Variants in CTNNA3 observed in about 807,000 individuals in gnomAD.
The protein encoded by CTNNA3 is catenin alpha 3.
A neutral mutation model predicts 95.7 loss-of-function variants in CTNNA3; 76 were observed. That is an observed-to-expected ratio of 0.79 (90% CI 0.66 to 0.96). CTNNA3 has a LOEUF of 0.96. CTNNA3 is among the 40% of genes least tolerant of loss of function. The pLI is 0.00. For synonymous variants in CTNNA3, 431 were observed against 374.4 expected (o/e 1.15, Z -1.74); for missense variants, 1,191 against 1,089.8 (o/e 1.09, Z -1.31).
chr10:66,015,691 AG>A (rs1794171170), intron 15 of CTNNA3, among the ~76,000 whole-genome samples: 1 of 152,134 alleles, frequency 6.6e-6, no homozygotes, highest in Non-Finnish European at 1.5e-5. Context: ...CCATAGAAAA[AG>A]TTTGCCAACT....
intron 5 of CTNNA3, among the ~76,000 whole-genome samples, chr10:67,468,603 T>C (rs1393980208): frequency 6.6e-6 from 1 of 152,118 alleles, no homozygotes; most frequent in Non-Finnish European, 1.5e-5. Context: ...TTCTAACTAG[T>C]TCTCATCAAA....
At chr10:66,910,615 T>C (rs1029435841) in intron 7 of CTNNA3, among the ~76,000 whole-genome samples, 2 of 152,186 alleles carry the variant, frequency 1.3e-5, no homozygotes, top group African/African-American at 4.8e-5. Context: ...CATGTAGGCA[T>C]TGAAGATAAC....
chr10:67,655,931 A>G (rs1026809781), intron 1 of CTNNA3, among the ~76,000 whole-genome samples: 10 of 152,208 alleles, frequency 6.6e-5, no homozygotes, highest in African/African-American at 2.4e-4. Flanking sequence ...GAAAAAAAAA[A>G]TCTAAATCAT....
chr10:66,694,546 G>T (rs1485926771), intron 9 of CTNNA3, among the ~76,000 whole-genome samples: 1 of 152,114 alleles, frequency 6.6e-6, no homozygotes, highest in Non-Finnish European at 1.5e-5. Flanking sequence ...AGGAGGAACT[G>T]GTATCATTCC....
At chr10:66,137,315 T>G (rs2083404593) in intron 13 of CTNNA3, among the ~76,000 whole-genome samples, 1 of 151,878 alleles carries the variant, frequency 6.6e-6, no homozygotes, top group East Asian at 1.9e-4. Flanking sequence ...ATCAGGAAAA[T>G]CCAGAATGTT....
intron 11 of CTNNA3, among the ~76,000 whole-genome samples, chr10:66,421,897 G>T (rs1358000722): frequency 7.4e-5 from 8 of 108,152 alleles, no homozygotes; most frequent in Non-Finnish European, 7.8e-5. Flanking sequence ...TAATAAATGT[G>T]ATATATATAT....
At chr10:66,330,361 T>C (rs1426419272) in intron 12 of CTNNA3, among the ~76,000 whole-genome samples, 1 of 151,998 alleles carries the variant, frequency 6.6e-6, no homozygotes, top group Non-Finnish European at 1.5e-5. Flanking sequence ...AGAATGATGG[T>C]TTCCAGCTTC....
At position 67,044,550 on chromosome 10, in the gene CTNNA3, G is replaced by C. The variant is rs138994588; in HGVS notation, c.1047+135767C>G. On this transcript the variant is annotated intron_variant, in intron 7 of 17. Coordinates refer to ENST00000433211, the MANE Select transcript of CTNNA3 (RefSeq NM_013266.4). ...GATTCCCCATTGAGCTAATCTCTGT[G>C]AGTGCTCATTATAAGAAGTGATAGC... 4.6e-5 allele frequency among the ~76,000 whole-genome samples: 7 copies of C among 152,216 alleles called. No individual in the cohort carries two copies. In the East Asian group the frequency reaches 1.4e-3, roughly 29 times the overall value.
chr10:66,145,422 C>A (rs1428630504), intron 13 of CTNNA3, among the ~76,000 whole-genome samples: 2 of 152,150 alleles, frequency 1.3e-5, no homozygotes, highest in African/African-American at 4.8e-5. Flanking sequence ...GTTTGCTTTG[C>A]CCCAGTGGGC....
chr10:66,677,099 T>G (rs547769648), intron 9 of CTNNA3, among the ~76,000 whole-genome samples: 2 of 152,240 alleles, frequency 1.3e-5, no homozygotes, highest in Admixed American at 6.5e-5. Context: ...GTGGATAGAT[T>G]ACTTGACTTC....
intron 1 of CTNNA3, among the ~76,000 whole-genome samples, chr10:67,662,616 A>G (rs1840221202): frequency 6.6e-6 from 1 of 152,262 alleles, no homozygotes; most frequent in Non-Finnish European, 1.5e-5. Context: ...AGTACACACT[A>G]TATGATTCCA....
intron 15 of CTNNA3, among the ~76,000 whole-genome samples, chr10:66,058,670 TC>T (rs2080133469): frequency 6.6e-6 from 1 of 152,078 alleles, no homozygotes; most frequent in Admixed American, 6.6e-5. Context: ...TTTGGTTAAT[TC>T]TTGAGTGCAA....
chr10:66,918,960 C>T (rs1341428424), intron 7 of CTNNA3, among the ~76,000 whole-genome samples: 3 of 151,608 alleles, frequency 2.0e-5, no homozygotes, highest in Admixed American at 6.6e-5. Flanking sequence ...ACGGTGAAAC[C>T]CTGTCTCTAC....
At chr10:66,510,033 T>G (rs1487060800) in intron 11 of CTNNA3, among the ~76,000 whole-genome samples, 2 of 151,914 alleles carry the variant, frequency 1.3e-5, no homozygotes, top group Non-Finnish European at 2.9e-5. Flanking sequence ...TCCAGGAGCA[T>G]GGAATGTTTT....
At chr10:67,140,732 T>C (rs1288234830) in intron 7 of CTNNA3, among the ~76,000 whole-genome samples, 1 of 152,196 alleles carries the variant, frequency 6.6e-6, no homozygotes, top group Non-Finnish European at 1.5e-5. Flanking sequence ...AATACTAATA[T>C]TCTAAGGACA....
chr10:66,930,415 A>C (rs149535348), intron 7 of CTNNA3, among the ~76,000 whole-genome samples: 42 of 152,296 alleles, frequency 2.8e-4, no homozygotes, highest in Non-Finnish European at 4.7e-4. Flanking sequence ...GTAACTTTAC[A>C]TTTTTCATAA....
At chr10:67,268,354 T>C (rs920589922) in intron 5 of CTNNA3, among the ~76,000 whole-genome samples, 2 of 147,142 alleles carry the variant, frequency 1.4e-5, no homozygotes, top group Non-Finnish European at 3.0e-5. Context: ...TAAATTAAAT[T>C]AAATAAATAA....
chr10:67,130,936 A>G (rs980159041), intron 7 of CTNNA3, among the ~76,000 whole-genome samples: 2 of 151,862 alleles, frequency 1.3e-5, no homozygotes, highest in African/African-American at 4.9e-5. Context: ...TAAGTCATTC[A>G]AGAAGGTGAG....
At chr10:67,066,938 TAACA>T (rs1355640867) in intron 7 of CTNNA3, among the ~76,000 whole-genome samples, 3 of 152,172 alleles carry the variant, frequency 2.0e-5, no homozygotes, top group Non-Finnish European at 4.4e-5. Flanking sequence ...TTTGGCTGAA[TAACA>T]AACCCTCTTT....
Sources: gnomAD v4.1 joint callset for allele counts (sites outside exome capture counted in the v4.1 genomes callset) on GRCh38, gnomAD v4.1.1 for gene constraint, MANE v1.5 for transcripts, NCBI Gene and HGNC (gene_info 2026-07-23, HGNC 2026-07-21) for gene names.